The following SORCS2 variants were observed in gnomAD, a reference collection of about 807,000 sequenced individuals.
SORCS2 encodes the protein sortilin related VPS10 domain containing receptor 2, also known as VPS10 domain-containing receptor SorCS2.
A neutral mutation model predicts 141.6 loss-of-function variants in SORCS2; 100 were observed. That is an observed-to-expected ratio of 0.71 (90% confidence interval 0.60 to 0.83). The LOEUF (loss-of-function observed/expected upper bound fraction) is 0.83. Ranked by LOEUF, SORCS2 falls within the 40% of genes least tolerant of loss-of-function variation. The pLI, the probability that SORCS2 is intolerant of heterozygous loss-of-function variation, is 0.00. For synonymous variants in SORCS2, 789 were observed against 676.9 expected (o/e 1.17, Z -2.57); for missense variants, 1,646 against 1,560.2 (o/e 1.05, Z -0.93).
intron 2 of SORCS2, among the ~76,000 whole-genome samples, chr4:7,463,755 G>A (rs1337651937): frequency 2.6e-5 from 4 of 152,192 alleles, no homozygotes; most frequent in South Asian, 2.1e-4. Context: ...GGAGCACCGC[G>A]CCGTGCATAC....
intron 1 of SORCS2, among the ~76,000 whole-genome samples, chr4:7,389,407 G>C (rs967051206): frequency 1.3e-5 from 2 of 152,160 alleles, no homozygotes; most frequent in African/African-American, 4.8e-5. Context: ...GCCACTGCCC[G>C]TGGGCCCCAC....
At chr4:7,237,221 T>G (rs967497866) in intron 1 of SORCS2, among the ~76,000 whole-genome samples, 4 of 152,244 alleles carry the variant, frequency 2.6e-5, no homozygotes, top group African/African-American at 7.2e-5. Flanking sequence ...CAAAATTGAT[T>G]GCAATAAAAA....
At chr4:7,553,027 G>C (rs1418617911) in intron 3 of SORCS2, among the ~76,000 whole-genome samples, 1 of 152,166 alleles carries the variant, frequency 6.6e-6, no homozygotes, top group East Asian at 1.9e-4. Context: ...CATAGAACTA[G>C]AGGCCATTTT....
At chr4:7,615,559 A>T (rs1375964017) in intron 3 of SORCS2, among the ~76,000 whole-genome samples, 1 of 152,076 alleles carries the variant, frequency 6.6e-6, no homozygotes. Flanking sequence ...CCCCAGTCCC[A>T]CCACCTCCAC....
rs551630637 is a variant in SORCS2 at position 7,710,258 on chromosome 4, G to A, written c.1869-2475G>A. ...AGCCACCAGCCCGGGTTCCAACGCC[G>A]CCCCTCCAGGAGGTGGCCTGAAGCT... is the stretch of plus-strand genomic sequence containing the variant. On this transcript the variant is annotated intron_variant, in intron 14 of 26. Transcript: ENST00000507866. Among the ~76,000 whole-genome samples, 7 of 152,266 alleles carry A rather than the reference G, an allele frequency of 4.6e-5. No individual in the cohort carries two copies. The South Asian group carries it at 8.3e-4, about 18-fold the overall frequency.
At chr4:7,653,945 G>A (rs1721592659) in intron 4 of SORCS2, among the ~76,000 whole-genome samples, 189 bp from the exon 5 acceptor site, 1 of 152,232 alleles carries the variant, frequency 6.6e-6, no homozygotes, top group South Asian at 2.1e-4. Context: ...CCCGGGGACA[G>A]GAATGGTTCC....
At position 7,733,326 on chromosome 4, in the gene SORCS2, T is replaced by C. The variant is rs1711856862; in HGVS notation, c.3113T>C (p.Leu1038Pro). Residue 1038 changes from leucine (L) to proline (P), a missense_variant, in exon 24 of 27, where the codon CTC becomes CCC. Leu to Pro is a moderately conservative substitution (Grantham distance 98). Transcript: ENST00000507866. ...CTGTCCCCTCTGTGCTTGCAGAGGC[T>C]CGCCGCCATCCAGCAGGTGCTGAAC... is the stretch of plus-strand genomic sequence containing the variant. ...RKRSLSSDKR[L>P]AAIQQVLNAQ... The C allele has an allele frequency of 1.7e-5, 26 of 1,548,304 alleles. No homozygotes were observed. Among genetic ancestry groups the C allele is most frequent in the Non-Finnish European group, 2.3e-5 (26 of 1,146,908 alleles).
chr4:7,302,217 G>A (rs994104316), intron 1 of SORCS2, among the ~76,000 whole-genome samples: 2 of 152,262 alleles, frequency 1.3e-5, no homozygotes, highest in African/African-American at 4.8e-5. Context: ...TAATATTTGT[G>A]TGGTGGGCGT....
chr4:7,441,506 C>T (rs961956101), intron 2 of SORCS2, among the ~76,000 whole-genome samples: 4 of 151,904 alleles, frequency 2.6e-5, no homozygotes, highest in Admixed American at 6.6e-5. Context: ...GCAGGGGAGG[C>T]GCAGGCCGGC....
rs374458697 is a variant in SORCS2, at chr4:7,732,873, G to A, written c.3109-449G>A. On this transcript the variant is annotated intron_variant, in intron 23 of 26. Coordinates refer to ENST00000507866, the MANE Select transcript of SORCS2 (RefSeq NM_020777.3). Reference sequence around the variant, plus strand: ...TTCCCGTGGTACAAAGGAGGACACCGAGGCTCAGCGAGGCCAGGTGGCCTG... The same window carrying A: ...TTCCCGTGGTACAAAGGAGGACACCAAGGCTCAGCGAGGCCAGGTGGCCTG... Among the ~76,000 whole-genome samples the A allele has an allele frequency of 2.7e-3, 414 of 152,136 alleles. 1 individual carries two copies. The highest frequency in any genetic ancestry group is 4.6e-3 in the Non-Finnish European group (314 of 67,960).
intron 3 of SORCS2, among the ~76,000 whole-genome samples, chr4:7,588,062 C>T (rs1478652362): frequency 6.6e-6 from 1 of 152,224 alleles, no homozygotes; most frequent in Non-Finnish European, 1.5e-5. Flanking sequence ...CTTGGTCCTC[C>T]AGTCGCTGGG....
intron 19 of SORCS2, among the ~76,000 whole-genome samples, chr4:7,724,547 A>T (rs1390589980): frequency 2.0e-5 from 2 of 98,416 alleles, no homozygotes; most frequent in East Asian, 8.5e-4. Context: ...TGGTGATAGT[A>T]GTGGTGGGAA....
chr4:7,628,433 G>C (rs929184200), intron 3 of SORCS2, among the ~76,000 whole-genome samples: 15 of 151,814 alleles, frequency 9.9e-5, no homozygotes, highest in Middle Eastern at 6.8e-3. Flanking sequence ...GCAGGAGAAT[G>C]GCATGAACCC....
intron 2 of SORCS2, among the ~76,000 whole-genome samples, chr4:7,429,642 G>A (rs1013097431): frequency 6.6e-6 from 1 of 152,156 alleles, no homozygotes; most frequent in Admixed American, 6.5e-5. Context: ...CTCCCACAGG[G>A]CACCCTCCAT....
At position 7,676,086 on chromosome 4, in the gene SORCS2, T is replaced by G; in HGVS notation, c.1198T>G (p.Phe400Val). Reference protein sequence around the residue: ...QIISTDESQVFVAVQEWYQMD... With the variant: ...QIISTDESQVVVAVQEWYQMD... ...CATCAGCACGGACGAGAGTCAGGTG[T>G]TCGTGGCGGTGCAGGAGTGGTACCA... The change falls in exon 9 of 27, where the codon TTC becomes GTC. Residue 400 changes from phenylalanine (F) to valine (V), a missense_variant. By Grantham distance (50) the Phe-to-Val change is conservative. Transcript: ENST00000507866. The G allele has an allele frequency of 6.3e-7, 1 of 1,589,296 alleles. No individual in the cohort carries two copies. Among genetic ancestry groups the G allele is most frequent in the South Asian group, 1.1e-5 (1 of 87,398 alleles).
At chr4:7,215,952 G>A (rs1321253227) in intron 1 of SORCS2, among the ~76,000 whole-genome samples, 1 of 141,886 alleles carries the variant, frequency 7.0e-6, no homozygotes, top group Non-Finnish European at 1.6e-5. Context: ...GGCTGCCGGA[G>A]CCAGCAGTGG....
chr4:7,547,772 G>T (rs1713374870), intron 3 of SORCS2, among the ~76,000 whole-genome samples: 1 of 152,186 alleles, frequency 6.6e-6, no homozygotes, highest in African/African-American at 2.4e-5. Flanking sequence ...CTCTGCATCT[G>T]TCTTCCTTAC....
chr4:7,469,496 G>A (rs1408849286), intron 2 of SORCS2, among the ~76,000 whole-genome samples: 1 of 152,244 alleles, frequency 6.6e-6, no homozygotes, highest in East Asian at 1.9e-4. Context: ...AGGAGGTGAT[G>A]TATCAGAACC....
intron 3 of SORCS2, among the ~76,000 whole-genome samples, chr4:7,536,259 G>A (rs1216212015): frequency 6.6e-6 from 1 of 152,222 alleles, no homozygotes; most frequent in Non-Finnish European, 1.5e-5. Flanking sequence ...GAGTGGGGTT[G>A]CGGTGGTGAA....
Sources: gnomAD v4.1 joint callset for allele counts (sites outside exome capture counted in the v4.1 genomes callset) on GRCh38, gnomAD v4.1.1 for gene constraint, MANE v1.5 for transcripts, NCBI Gene and HGNC (gene_info 2026-07-23, HGNC 2026-07-21) for gene names.